ARHGAP8: variants seen among roughly 807,000 people sequenced by gnomAD.
The protein encoded by ARHGAP8 is Rho GTPase activating protein 8, also known as rho GTPase-activating protein 8.
ARHGAP8 carries 62 observed loss-of-function variants against 46.1 expected under a neutral mutation model. The observed-to-expected ratio is 1.34, with a 90% CI of 1.10 to 1.66. The LOEUF (loss-of-function observed/expected upper bound fraction) is 1.66, where lower values mean the gene tolerates loss of function less well. Ranked by LOEUF, ARHGAP8 falls within the 40% of genes most tolerant of loss-of-function variation. ARHGAP8 has a pLI of 0.00. For synonymous variants in ARHGAP8, 375 were observed against 243.1 expected, an observed-to-expected ratio of 1.54 and a Z score of -5.05; for missense variants, 923 against 568.4, an observed-to-expected ratio of 1.62 and a Z score of -6.34.
chr22:44,828,867 A>T (rs1246275505), intron 7 of ARHGAP8, among the ~76,000 whole-genome samples: 1 of 152,112 alleles, frequency 6.6e-6, no homozygotes, highest in South Asian at 2.1e-4. Flanking sequence ...TGTGGCACAC[A>T]GGGTCCCAGG....
intron 3 of ARHGAP8, among the ~76,000 whole-genome samples, chr22:44,803,033 A>G (rs1928668079): frequency 6.6e-6 from 1 of 152,168 alleles, no homozygotes; most frequent in South Asian, 2.1e-4. Context: ...CTCAGCAGGC[A>G]TCTATTGAGC....
At chr22:44,861,630 T>C (rs2070490411) in intron 11 of ARHGAP8, among the ~76,000 whole-genome samples, 1 of 152,114 alleles carries the variant, frequency 6.6e-6, no homozygotes, top group Non-Finnish European at 1.5e-5. Flanking sequence ...GCTTGAATCT[T>C]GTAGGGAGGC....
chr22:44,798,563 C>T (rs1317337519), intron 2 of ARHGAP8, among the ~76,000 whole-genome samples: 1 of 146,360 alleles, frequency 6.8e-6, no homozygotes, highest in African/African-American at 2.5e-5. Context: ...CTGGGGTACT[C>T]TTCCCCCACT....
At chr22:44,846,284 G>A (rs996189155) in intron 8 of ARHGAP8, among the ~76,000 whole-genome samples, 7 of 152,242 alleles carry the variant, frequency 4.6e-5, no homozygotes, top group East Asian at 1.9e-4. Context: ...TTCTGGTTAC[G>A]AGTGGGTTGA....
chr22:44,808,113 A>G (rs11912578), intron 3 of ARHGAP8, among the ~76,000 whole-genome samples, 194 bp from the exon 4 acceptor site: 26,352 of 152,190 alleles, frequency 0.17, 3,397 homozygotes, highest in African/African-American at 0.36. Flanking sequence ...GTGACTTTAG[A>G]TAAGTCACTT....
chr22:44,801,118 T>C (rs1449691640), intron 2 of ARHGAP8, among the ~76,000 whole-genome samples: 5 of 41,790 alleles, frequency 1.2e-4, no homozygotes, highest in African/African-American at 2.9e-4. Context: ...TGGGGGCACC[T>C]CTCCCCGCAG....
rs369230909 is a variant in ARHGAP8, at chr22:44,862,438, G to T, written c.1145G>T (p.Ser382Ile). 2 of 1,613,984 alleles carry T rather than the reference G, an allele frequency of 1.2e-6. No homozygotes were observed. The highest frequency in any genetic ancestry group is 2.7e-5 in the African/African-American group (2 of 74,914). ...ATCGAGTACTATGAAAAGATCTTCA[G>T]CACCCCGGAGGCACCTGGGGAGCAC... Reference protein sequence around the residue: ...LLIEYYEKIFSTPEAPGEHGL... With the variant: ...LLIEYYEKIFITPEAPGEHGL... The change falls in exon 12 of 12, where the codon AGC (serine) becomes ATC (isoleucine). Residue 382 changes from serine to isoleucine, a missense_variant. Physicochemically the swap from Ser to Ile is moderately radical, Grantham distance 142. Coordinates refer to ENST00000356099, the MANE Select transcript of ARHGAP8 (RefSeq NM_181335.3).
intron 1 of ARHGAP8, among the ~76,000 whole-genome samples, chr22:44,781,020 A>G (rs1333442681): frequency 6.6e-6 from 1 of 152,192 alleles, no homozygotes; most frequent in Non-Finnish European, 1.5e-5. Flanking sequence ...TGGGTTCCAC[A>G]GACTCCCGTG....
chr22:44,859,654 T>G (rs530488799), intron 10 of ARHGAP8, 77 bp from the exon 11 acceptor site: 1 of 1,071,462 alleles, frequency 9.3e-7, no homozygotes, highest in African/African-American at 2.0e-5. Flanking sequence ...CCTACACCCC[T>G]GTTCTCCTCC....
chr22:44,784,642 A>G (rs904695606), intron 1 of ARHGAP8, among the ~76,000 whole-genome samples: 6 of 152,104 alleles, frequency 3.9e-5, no homozygotes. Flanking sequence ...TTTGGGCCCA[A>G]CTGGATAATC....
intron 5 of ARHGAP8, among the ~76,000 whole-genome samples, chr22:44,816,884 CTTTTTTT>C (rs981732386): frequency 8.7e-6 from 1 of 115,110 alleles, no homozygotes; most frequent in Non-Finnish European, 1.8e-5. Flanking sequence ...TTCTTTCTTT[CTTTTTTT>C]TTTTTTTTTT....
chr22:44,851,198 C>T (rs1432217229), intron 10 of ARHGAP8, among the ~76,000 whole-genome samples: 3 of 152,100 alleles, frequency 2.0e-5, no homozygotes, highest in African/African-American at 7.2e-5. Context: ...CGGATAGGCA[C>T]CAATTAACAA....
chr22:44,760,803 C>T (rs1023411883), intron 1 of ARHGAP8, among the ~76,000 whole-genome samples: 6 of 152,288 alleles, frequency 3.9e-5, no homozygotes, highest in African/African-American at 7.2e-5. Flanking sequence ...CATGCCTGTT[C>T]GGGTCCATGT....
At chr22:44,819,175 C>A (rs544802156) in intron 5 of ARHGAP8, among the ~76,000 whole-genome samples, 1 of 152,294 alleles carries the variant, frequency 6.6e-6, no homozygotes, top group Admixed American at 6.5e-5. Context: ...CTCAGGTGAT[C>A]CTCCCACCTC....
At chr22:44,809,278 G>GT (rs375097461) in intron 4 of ARHGAP8, 34,284 of 297,688 alleles carry the variant, frequency 0.12, no homozygotes, top group South Asian at 0.2. Context: ...ATATTCTTCT[G>GT]TTTTTTTTTT....
At chr22:44,822,904 G>A (rs1315902701) in intron 6 of ARHGAP8, among the ~76,000 whole-genome samples, 2 of 152,198 alleles carry the variant, frequency 1.3e-5, no homozygotes, top group Admixed American at 6.5e-5. Flanking sequence ...AGCTTAATTG[G>A]TGTGTCTGCT....
At chr22:44,840,935 G>A (rs1049980151) in intron 7 of ARHGAP8, among the ~76,000 whole-genome samples, 6 of 152,310 alleles carry the variant, frequency 3.9e-5, no homozygotes, top group African/African-American at 7.2e-5. Flanking sequence ...GCTTGTGGCC[G>A]GATAAGCGCC....
chr22:44,803,839 T>A (rs1034441), intron 3 of ARHGAP8, among the ~76,000 whole-genome samples: 2 of 144,614 alleles, frequency 1.4e-5, no homozygotes, highest in African/African-American at 2.6e-5. Context: ...ACACACCTCT[T>A]GTGCACACGC....
chr22:44,854,827 G>A (rs534395859), intron 10 of ARHGAP8, among the ~76,000 whole-genome samples: 1 of 152,000 alleles, frequency 6.6e-6, no homozygotes, highest in Non-Finnish European at 1.5e-5. Context: ...TTGTAGAGAC[G>A]GGGTTTCACC....
Sources: gnomAD v4.1 joint callset for allele counts (sites outside exome capture counted in the v4.1 genomes callset) on GRCh38, gnomAD v4.1.1 for gene constraint, MANE v1.5 for transcripts, NCBI Gene and HGNC (gene_info 2026-07-23, HGNC 2026-07-21) for gene names.